The following TAX1BP1 variants were observed in gnomAD, a reference collection of about 807,000 sequenced individuals.
TAX1BP1 encodes the protein tax1-binding protein 1.
Under a neutral mutation model 97.7 loss-of-function variants are expected in TAX1BP1, and 62 were observed. The ratio of observed to expected loss-of-function variants is 0.63; its 90% CI spans 0.52 to 0.78. The LOEUF is 0.78. Among genes scored for constraint, TAX1BP1 ranks in the 30% least tolerant of loss-of-function variants. The pLI is 0.00. For synonymous variants in TAX1BP1, 340 were observed against 304.2 expected, an observed-to-expected ratio of 1.12 and a Z score of -1.23; for missense variants, 867 against 916.1, an observed-to-expected ratio of 0.95 and a Z score of 0.69.
chr7:27,802,245 T>C (rs1394548584), intron 13 of TAX1BP1, among the ~76,000 whole-genome samples: 2 of 152,206 alleles, frequency 1.3e-5, no homozygotes, highest in Non-Finnish European at 2.9e-5. Flanking sequence ...AGCGAGTCTT[T>C]TTGAAAATAA....
At chr7:27,745,554 A>G (rs73684042) in intron 1 of TAX1BP1, among the ~76,000 whole-genome samples, 3,365 of 152,310 alleles carry the variant, frequency 0.022, 121 homozygotes, top group African/African-American at 0.076. Flanking sequence ...CTTTTGTAAA[A>G]TATTTCTATA....
intron 2 of TAX1BP1, among the ~76,000 whole-genome samples, chr7:27,752,129 C>T (rs191365284): frequency 3.3e-5 from 5 of 152,208 alleles, no homozygotes; most frequent in Admixed American, 6.5e-5. Flanking sequence ...GTAAAGAGAA[C>T]GTTTAGACTA....
At chr7:27,755,785 G>C (rs1788189621) in intron 2 of TAX1BP1, among the ~76,000 whole-genome samples, 1 of 152,102 alleles carries the variant, frequency 6.6e-6, no homozygotes, top group South Asian at 2.1e-4. Flanking sequence ...GCCTCCAGTG[G>C]TATCTGTGAC....
chr7:27,811,214 T>G (rs1790545118), intron 13 of TAX1BP1, among the ~76,000 whole-genome samples: 1 of 152,204 alleles, frequency 6.6e-6, no homozygotes, highest in African/African-American at 2.4e-5. Context: ...ATTTTTGCAG[T>G]TAAATAATGA....
At chr7:27,740,904 A>G (rs535687633) in intron 1 of TAX1BP1, among the ~76,000 whole-genome samples, 74 of 152,280 alleles carry the variant, frequency 4.9e-4, no homozygotes, top group African/African-American at 1.6e-3. Flanking sequence ...CCCGTTCGCA[A>G]GGTGTGGACT....
Position 27,769,815 on chromosome 7 carries a change from A to G in TAX1BP1, c.593A>G (p.Gln198Arg), listed in dbSNP as rs1166716757. ...AACCATGAGAAAGAAAGATGTGACC[A>G]ACTGCAAGCAGAACAAAAGGTTAGT... The part of the protein sequence containing the change: ...ELNHEKERCD[Q>R]LQAEQKGLTE... Residue 198 changes from glutamine to arginine, a missense_variant, in exon 5 of 17, where the codon CAA becomes CGA. Gln to Arg is a conservative substitution (Grantham distance 43, BLOSUM62 1). Around this residue, in one of 3 missense-constraint regions of TAX1BP1, gnomAD observed 822 missense variants for 851.4 expected, o/e 0.97. Coordinates refer to ENST00000396319, the MANE Select transcript of TAX1BP1 (RefSeq NM_006024.7). 3.7e-6 allele frequency: 6 copies of G among 1,612,214 alleles called. No homozygotes were observed. The highest frequency in any genetic ancestry group is 2.2e-5 in the East Asian group (1 of 44,762).
At position 27,828,676 on chromosome 7, in the gene TAX1BP1, T is replaced by C. The variant is rs1387575547; in HGVS notation, c.2217T>C (p.Pro739=). 1 of 1,614,096 alleles carries C rather than the reference T, an allele frequency of 6.2e-7. No homozygotes were observed. Among genetic ancestry groups the C allele is most frequent in the Admixed American group, 1.7e-5 (1 of 60,012 alleles). The change falls in exon 17 of 17, where the codon CCT becomes CCC. Residue 739 remains proline, a synonymous_variant. Transcript: ENST00000396319. ...CCCTCTGTGAGTTAATGTTTCCTCC[T>C]AACTATGATCAGAGCAAATTTGAAG... The part of the protein sequence containing the change: ...KCPLCELMFP[P]NYDQSKFEEH...
chr7:27,768,323 T>C (rs1788717720), intron 4 of TAX1BP1, among the ~76,000 whole-genome samples: 1 of 152,024 alleles, frequency 6.6e-6, no homozygotes, highest in South Asian at 2.1e-4. Flanking sequence ...ATGATCATTG[T>C]AAAATTTTAA....
At chr7:27,777,956 A>T (rs1362084568) in intron 5 of TAX1BP1, among the ~76,000 whole-genome samples, 1 of 152,096 alleles carries the variant, frequency 6.6e-6, no homozygotes, top group African/African-American at 2.4e-5. Flanking sequence ...TCTTGGCACG[A>T]TTTTAGTTGC....
chr7:27,794,083 CT>C (rs150885313), intron 10 of TAX1BP1, among the ~76,000 whole-genome samples: 3,478 of 152,202 alleles, frequency 0.023, 123 homozygotes, highest in African/African-American at 0.078. Flanking sequence ...TTTTGGTGGT[CT>C]TTTGATGAGT....
At chr7:27,828,604 A>C in intron 16 of TAX1BP1, 24 bp from the exon 17 acceptor site, 1 of 1,601,636 alleles carries the variant, frequency 6.2e-7, no homozygotes, top group Non-Finnish European at 8.6e-7. Flanking sequence ...AGAAACATGT[A>C]ATTCTTTCAT....
At chr7:27,797,332 T>C (rs1342346892) in intron 12 of TAX1BP1, among the ~76,000 whole-genome samples, 2 of 152,106 alleles carry the variant, frequency 1.3e-5, no homozygotes, top group African/African-American at 2.4e-5. Context: ...ATTCAGACTT[T>C]TCTGGTTTGC....
chr7:27,802,151 T>G (rs1790162686), intron 13 of TAX1BP1, among the ~76,000 whole-genome samples: 1 of 152,212 alleles, frequency 6.6e-6, no homozygotes, highest in South Asian at 2.1e-4. Context: ...AATGATAGCT[T>G]GAAGCCAGGT....
chr7:27,814,456 G>A (rs1001064272), intron 13 of TAX1BP1, among the ~76,000 whole-genome samples: 1 of 151,914 alleles, frequency 6.6e-6, no homozygotes, highest in Non-Finnish European at 1.5e-5. Flanking sequence ...AGTTAATTTG[G>A]GGGGGGAATT....
At chr7:27,821,794 A>G (rs537090843) in intron 15 of TAX1BP1, among the ~76,000 whole-genome samples, 4 of 152,240 alleles carry the variant, frequency 2.6e-5, no homozygotes, top group African/African-American at 7.2e-5. Flanking sequence ...TTTCCTCACC[A>G]GCAAAAAAAA....
intron 13 of TAX1BP1, among the ~76,000 whole-genome samples, chr7:27,809,397 A>G (rs1220596777): frequency 6.6e-6 from 1 of 152,218 alleles, no homozygotes; most frequent in Non-Finnish European, 1.5e-5. Context: ...AAAATCCTAA[A>G]TTTTAGTTAG....
chr7:27,788,038 G>T (rs1399594439), intron 8 of TAX1BP1, among the ~76,000 whole-genome samples: 1 of 151,988 alleles, frequency 6.6e-6, no homozygotes, highest in African/African-American at 2.4e-5. Flanking sequence ...GTTAGTCAAA[G>T]ACTACATATT....
Position 27,828,640 on chromosome 7 carries a change from CAAG to C in TAX1BP1, c.2185_2187del (p.Lys729del). On this transcript the variant is annotated inframe_deletion, in exon 17 of 17. Transcript: ENST00000396319. The stretch of plus-strand genomic sequence containing the variant: ...TTTTCTCTTTAAGCTTTGATGTTCA[CAAG>C]AAGTGTCCCCTCTGTGAGTTAATGT... 1.9e-6 allele frequency: 3 copies of C among 1,613,728 alleles called. No individual in the cohort carries two copies. The highest frequency in any genetic ancestry group is 1.1e-5 in the South Asian group (1 of 91,040).
At chr7:27,795,995 T>G in intron 11 of TAX1BP1, 121 bp from the exon 12 acceptor site, 1 of 672,704 alleles carries the variant, frequency 1.5e-6, no homozygotes, top group Non-Finnish European at 2.5e-6. Context: ...TAGATATTTC[T>G]GTCCTTCAGC....
Sources: gnomAD v4.1 joint callset for allele counts (sites outside exome capture counted in the v4.1 genomes callset) on GRCh38, gnomAD v4.1.1 for gene constraint, gnomAD v4.1.1 regional missense constraint, MANE v1.5 for transcripts, NCBI Gene and HGNC (gene_info 2026-07-23, HGNC 2026-07-21) for gene names.